The following XRCC5 variants were observed in gnomAD, a reference collection of about 807,000 sequenced individuals.
XRCC5 encodes the protein DNA repair protein Ku80.
A neutral mutation model predicts 95.7 loss-of-function variants in XRCC5; 12 were observed. The observed-to-expected ratio is 0.13, with a 90% CI of 0.08 to 0.20. The LOEUF is 0.20. Ranked by LOEUF, XRCC5 falls within the 10% of genes least tolerant of loss-of-function variation. The probability of loss-of-function intolerance (pLI) is 1.00; values close to 1 mark genes in which losing one functional copy is unlikely to be tolerated. For synonymous variants in XRCC5, 281 were observed against 290.3 expected, an observed-to-expected ratio of 0.97 and a Z score of 0.33; for missense variants, 595 against 873.9, an observed-to-expected ratio of 0.68 and a Z score of 4.02.
Position 216,160,843 on chromosome 2 carries a change from C to T in XRCC5, c.1764+682C>T, listed in dbSNP as rs1688938782. On this transcript the variant is annotated intron_variant, in intron 15 of 20. Coordinates refer to ENST00000392132, the MANE Select transcript of XRCC5 (RefSeq NM_021141.4). ...CAAGTGGTCCTCCTGCCTCAGCCTCCTGTGTAGCTAGGACTAAGGGTACAT... is the reference window on the plus strand; with the variant it reads ...CAAGTGGTCCTCCTGCCTCAGCCTCTTGTGTAGCTAGGACTAAGGGTACAT... 2.0e-5 allele frequency among the ~76,000 whole-genome samples: 3 copies of T among 152,052 alleles called. 1 individual carries two copies. In the South Asian group the frequency reaches 6.2e-4, roughly 32 times the overall value.
intron 17 of XRCC5, among the ~76,000 whole-genome samples, chr2:216,191,695 GC>G (rs1350084685): frequency 6.6e-6 from 1 of 152,188 alleles, no homozygotes; most frequent in Non-Finnish European, 1.5e-5. Flanking sequence ...ACAGGGGTGA[GC>G]CACTGCGCCC....
chr2:216,146,145 G>A (rs1332338651), intron 13 of XRCC5, among the ~76,000 whole-genome samples: 3 of 152,178 alleles, frequency 2.0e-5, no homozygotes, highest in Admixed American at 2.0e-4. Flanking sequence ...TAGGAAAGAA[G>A]AAAGCAGGCA....
chr2:216,179,965 A>G (rs1381673714), intron 16 of XRCC5, among the ~76,000 whole-genome samples: 2 of 152,226 alleles, frequency 1.3e-5, no homozygotes, highest in Non-Finnish European at 2.9e-5. Context: ...TTTTGAAAGT[A>G]GAATTGTCAA....
intron 16 of XRCC5, among the ~76,000 whole-genome samples, chr2:216,169,425 C>T (rs780759236): frequency 2.0e-5 from 3 of 152,282 alleles, no homozygotes; most frequent in South Asian, 2.1e-4. Flanking sequence ...GAGAAAGTTA[C>T]CGAAATCACT....
intron 19 of XRCC5, among the ~76,000 whole-genome samples, chr2:216,195,380 C>T: frequency 7.8e-6 from 1 of 128,922 alleles, no homozygotes. Context: ...CTTTTCTTTT[C>T]TTTTCTTTTC....
At chr2:216,181,358 G>A (rs1431235588) in intron 16 of XRCC5, among the ~76,000 whole-genome samples, 1 of 151,910 alleles carries the variant, frequency 6.6e-6, no homozygotes, top group Non-Finnish European at 1.5e-5. Flanking sequence ...TTTTATTCTG[G>A]GTCAGCCCTT....
intron 16 of XRCC5, among the ~76,000 whole-genome samples, chr2:216,165,268 G>A (rs1224662692): frequency 6.6e-6 from 1 of 152,160 alleles, no homozygotes; most frequent in African/African-American, 2.4e-5. Flanking sequence ...GACTTTTGAT[G>A]AATAGATTGT....
intron 12 of XRCC5, among the ~76,000 whole-genome samples, chr2:216,139,182 CTG>C (rs1257088008): frequency 6.6e-6 from 1 of 152,158 alleles, no homozygotes; most frequent in East Asian, 1.9e-4. Flanking sequence ...GGGTCTCACT[CTG>C]TCACCTGGCT....
At chr2:216,136,490 T>C (rs546760259) in intron 10 of XRCC5, among the ~76,000 whole-genome samples, 3 of 152,120 alleles carry the variant, frequency 2.0e-5, no homozygotes, top group East Asian at 3.9e-4. Flanking sequence ...ATTTACAAAT[T>C]GGTGGAGAAA....
chr2:216,147,969 TG>T, intron 13 of XRCC5, 113 bp from the exon 14 acceptor site: 1 of 1,114,200 alleles, frequency 9.0e-7, no homozygotes, highest in Non-Finnish European at 1.3e-6. Context: ...TTTTTACATG[TG>T]GTATGAATCA....
In XRCC5 at chr2:216,187,839, T is replaced by A. The variant is rs1689532112; in HGVS notation, c.1835-2386T>A. Among the ~76,000 whole-genome samples the A allele has an allele frequency of 1.1e-4, 14 of 131,334 alleles. No individual in the cohort carries two copies. The South Asian group carries it at 2.2e-3, about 21-fold the overall frequency. The allele number at this position is 131,334 out of a possible 152,430, so 86.2% of individuals were successfully genotyped here. ...CACACACACTCTCTCTCTCTCTCTC[T>A]CTCTCTCTCTCTCTCTCTCTCTCCC... On this transcript the variant is annotated intron_variant, in intron 16 of 20. Transcript: ENST00000392132.
rs1038410590 is a variant in XRCC5, at chr2:216,183,635, G to C, written c.1835-6590G>C. Among the ~76,000 whole-genome samples the C allele has an allele frequency of 2.0e-5, 3 of 152,132 alleles. No individual in the cohort carries two copies. The East Asian group carries it at 5.8e-4, about 29-fold the overall frequency. On this transcript the variant is annotated intron_variant, in intron 16 of 20. Coordinates refer to ENST00000392132, the MANE Select transcript of XRCC5 (RefSeq NM_021141.4). ...ATATTATGGCTGTGGTGTTCTCTCTGTCGTATCTACTGATTTTTCTGTTCT... is the reference window on the plus strand; with the variant it reads ...ATATTATGGCTGTGGTGTTCTCTCTCTCGTATCTACTGATTTTTCTGTTCT...
chr2:216,204,599 T>C (rs1026788078), intron 20 of XRCC5, among the ~76,000 whole-genome samples: 3 of 152,236 alleles, frequency 2.0e-5, no homozygotes, highest in African/African-American at 7.2e-5. Context: ...CTGTGTTTCA[T>C]GGTGTCGGCT....
chr2:216,155,557 G>A (rs900374093), intron 14 of XRCC5, among the ~76,000 whole-genome samples: 23 of 152,192 alleles, frequency 1.5e-4, no homozygotes, highest in African/African-American at 5.3e-4. Context: ...AACTGTTACA[G>A]TAGGACATTA....
intron 15 of XRCC5, among the ~76,000 whole-genome samples, chr2:216,161,717 A>G (rs1022427515): frequency 2.0e-5 from 3 of 152,230 alleles, no homozygotes; most frequent in African/African-American, 7.2e-5. Context: ...CTTGAGTTGT[A>G]ATACTTTTTT....
At chr2:216,182,616 A>G (rs997780964) in intron 16 of XRCC5, among the ~76,000 whole-genome samples, 2 of 152,176 alleles carry the variant, frequency 1.3e-5, no homozygotes, top group African/African-American at 2.4e-5. Context: ...TTTCAGGCAT[A>G]TGGCATATAT....
At chr2:216,135,764 A>G (rs1262331056) in intron 10 of XRCC5, among the ~76,000 whole-genome samples, 1 of 151,426 alleles carries the variant, frequency 6.6e-6, no homozygotes, top group Non-Finnish European at 1.5e-5. Flanking sequence ...GTGCCACTGC[A>G]CTCCAGCCTG....
chr2:216,126,107 CAT>C, intron 7 of XRCC5, 76 bp downstream of exon 7: 1 of 1,160,300 alleles, frequency 8.6e-7, no homozygotes, highest in Non-Finnish European at 1.3e-6. Flanking sequence ...ACAGACAATT[CAT>C]GTGTGTGTTA....
At chr2:216,180,193 T>G (rs1689357319) in intron 16 of XRCC5, among the ~76,000 whole-genome samples, 1 of 152,158 alleles carries the variant, frequency 6.6e-6, no homozygotes, top group Admixed American at 6.5e-5. Context: ...AAGAGATCCT[T>G]GAGTAACGGA....
Sources: allele counts gnomAD v4.1 joint callset (sites outside exome capture counted in the v4.1 genomes callset), GRCh38; gene constraint gnomAD v4.1.1; transcripts MANE v1.5; gene names NCBI Gene and HGNC (gene_info 2026-07-23, HGNC 2026-07-21).